TPST1: variants seen among roughly 807,000 people sequenced by gnomAD.
The protein encoded by TPST1 is tyrosylprotein sulfotransferase 1, also known as protein-tyrosine sulfotransferase 1.
In TPST1, 20 loss-of-function variants were observed where a neutral mutation model predicts 34.8. That is an observed-to-expected ratio of 0.57 (90% CI 0.40 to 0.84). The LOEUF (loss-of-function observed/expected upper bound fraction) is 0.84. TPST1 is among the 40% of genes least tolerant of loss of function. The pLI is 0.00. For synonymous variants in TPST1, 152 were observed against 159.4 expected, an observed-to-expected ratio of 0.95 and a Z score of 0.35; for missense variants, 353 against 455.5, an observed-to-expected ratio of 0.78 and a Z score of 2.05.
rs1790003034 is a variant in TPST1, at chr7:66,240,365, A to G, written c.-61A>G. The G allele has an allele frequency of 1.3e-6, 2 of 1,561,216 alleles. No homozygotes were observed. The highest frequency in any genetic ancestry group is 2.3e-5 in the East Asian group (1 of 44,224). On this transcript the variant is annotated 5_prime_UTR_variant, in exon 2 of 6. Coordinates refer to ENST00000304842, the MANE Select transcript of TPST1 (RefSeq NM_003596.4). ...CTGAAGTAGACTGTCCATGGCCTGAACATTTTCCGAAAATCATTTTGAGCA... is the reference window on the plus strand; with the variant it reads ...CTGAAGTAGACTGTCCATGGCCTGAGCATTTTCCGAAAATCATTTTGAGCA...
chr7:66,278,266 G>A (rs989297142), intron 2 of TPST1, among the ~76,000 whole-genome samples: 1 of 152,024 alleles, frequency 6.6e-6, no homozygotes, highest in Non-Finnish European at 1.5e-5. Flanking sequence ...AAGTATGAGA[G>A]AATGTAGTTG....
chr7:66,239,186 G>A (rs539928917), intron 1 of TPST1, among the ~76,000 whole-genome samples: 1 of 152,278 alleles, frequency 6.6e-6, no homozygotes, highest in East Asian at 1.9e-4. Flanking sequence ...CAGGGTCTCA[G>A]TGTGGGCTGG....
intron 3 of TPST1, among the ~76,000 whole-genome samples, chr7:66,304,007 T>A (rs1309226323): frequency 6.6e-6 from 1 of 152,174 alleles, no homozygotes; most frequent in African/African-American, 2.4e-5. Context: ...CAGCACTTTA[T>A]GACTATGTAT....
chr7:66,208,837 GAA>G (rs1219189387), intron 1 of TPST1, among the ~76,000 whole-genome samples: 1 of 152,172 alleles, frequency 6.6e-6, no homozygotes, highest in Non-Finnish European at 1.5e-5. Context: ...CCCTTTAAGA[GAA>G]AGAGTTGTGT....
At chr7:66,320,480 C>T (rs1030017763) in intron 3 of TPST1, among the ~76,000 whole-genome samples, 2 of 151,940 alleles carry the variant, frequency 1.3e-5, no homozygotes, top group African/African-American at 4.8e-5. Context: ...ATCTCCTGAC[C>T]TTGTGATCTG....
chr7:66,337,395 C>G (rs1367331954), intron 3 of TPST1, among the ~76,000 whole-genome samples: 1 of 149,310 alleles, frequency 6.7e-6, no homozygotes, highest in Non-Finnish European at 1.5e-5. Context: ...CTGCAACCTG[C>G]ACCTCCTGGG....
At chr7:66,348,025 C>T (rs1032978144) in intron 3 of TPST1, among the ~76,000 whole-genome samples, 11 of 152,142 alleles carry the variant, frequency 7.2e-5, no homozygotes, top group Non-Finnish European at 1.3e-4. Flanking sequence ...GAAAGAAAAA[C>T]CCCACCAACC....
chr7:66,306,064 A>G (rs1158082933), intron 3 of TPST1, among the ~76,000 whole-genome samples: 2 of 152,210 alleles, frequency 1.3e-5, no homozygotes, highest in African/African-American at 4.8e-5. Context: ...ATAGAATACA[A>G]CAAAGGCGAT....
At chr7:66,314,685 A>G (rs1243058180) in intron 3 of TPST1, among the ~76,000 whole-genome samples, 5 of 152,234 alleles carry the variant, frequency 3.3e-5, no homozygotes, top group African/African-American at 1.2e-4. Flanking sequence ...TTTAGATGGT[A>G]TAGCCTGCTA....
intron 3 of TPST1, among the ~76,000 whole-genome samples, chr7:66,344,747 A>G (rs1457733620): frequency 7.2e-6 from 1 of 138,182 alleles, no homozygotes; most frequent in East Asian, 2.1e-4. Flanking sequence ...TTTTTTAGAC[A>G]TAGTCTCACT....
chr7:66,356,284 A>G (rs1212593369), intron 4 of TPST1, among the ~76,000 whole-genome samples: 2 of 152,252 alleles, frequency 1.3e-5, no homozygotes. Context: ...AGGGTCCTGA[A>G]TGCAGAGCTT....
chr7:66,342,661 A>G (rs537901303), intron 3 of TPST1, among the ~76,000 whole-genome samples: 1 of 152,284 alleles, frequency 6.6e-6, no homozygotes, highest in Admixed American at 6.5e-5. Context: ...GCTTTCCCTT[A>G]TGGTGGAACA....
At chr7:66,328,011 C>CTT (rs35582736) in intron 3 of TPST1, among the ~76,000 whole-genome samples, 497 of 39,508 alleles carry the variant, frequency 0.013, 107 homozygotes, top group East Asian at 0.053. Flanking sequence ...TTTTCCTTTC[C>CTT]TTTTTTTTTT....
chr7:66,248,286 C>T (rs918367462), intron 2 of TPST1, among the ~76,000 whole-genome samples: 5 of 151,864 alleles, frequency 3.3e-5, no homozygotes, highest in African/African-American at 9.7e-5. Flanking sequence ...AAATCTTGTT[C>T]GGAACCTTGG....
the TPST1 span, among the ~76,000 whole-genome samples, chr7:66,199,290 CCTT>C: frequency 2.7e-5 from 3 of 110,708 alleles, no homozygotes; most frequent in African/African-American, 7.6e-5. Flanking sequence ...ACATTCATCT[CCTT>C]CTTTTTTTTT....
At chr7:66,215,435 C>A (rs961034131) in intron 1 of TPST1, among the ~76,000 whole-genome samples, 2 of 151,492 alleles carry the variant, frequency 1.3e-5, no homozygotes, top group Non-Finnish European at 2.9e-5. Flanking sequence ...AGTGAAGTGG[C>A]GCGATCTCGG....
chr7:66,233,120 A>G (rs527595002), intron 1 of TPST1, among the ~76,000 whole-genome samples: 4 of 152,084 alleles, frequency 2.6e-5, no homozygotes, highest in Admixed American at 1.3e-4. Flanking sequence ...TCTCAGGCAT[A>G]TAATTTGCAG....
chr7:66,338,704 C>G (rs915310552), intron 3 of TPST1, among the ~76,000 whole-genome samples: 2 of 151,966 alleles, frequency 1.3e-5, no homozygotes, highest in Admixed American at 6.6e-5. Context: ...AATTAAACAA[C>G]AAATGGACCA....
At chr7:66,337,342 C>T (rs971016827) in intron 3 of TPST1, among the ~76,000 whole-genome samples, 1 of 130,502 alleles carries the variant, frequency 7.7e-6, no homozygotes, top group Non-Finnish European at 1.5e-5. Flanking sequence ...GAGCCTCGCT[C>T]TGTCACTCAA....
Sources: allele counts gnomAD v4.1 joint callset (sites outside exome capture counted in the v4.1 genomes callset), GRCh38; gene constraint gnomAD v4.1.1; transcripts MANE v1.5; gene names NCBI Gene and HGNC (gene_info 2026-07-23, HGNC 2026-07-21).